Variants in ADAMTS12 observed in about 807,000 individuals in gnomAD.
ADAMTS12 encodes the protein A disintegrin and metalloproteinase with thrombospondin motifs 12.
In ADAMTS12, 118 loss-of-function variants were observed where a neutral mutation model predicts 167.8. The observed-to-expected ratio is 0.70, with a 90% CI of 0.61 to 0.82. The LOEUF is 0.82. Ranked by LOEUF, ADAMTS12 falls within the 40% of genes least tolerant of loss-of-function variation. The probability of loss-of-function intolerance (pLI) is 0.00; values close to 1 mark genes in which losing one functional copy is unlikely to be tolerated. For missense variants in ADAMTS12, 1,916 were observed against 1,998.8 expected (o/e 0.96, Z 0.79); for synonymous variants, 704 against 716.9 (o/e 0.98, Z 0.29).
chr5:33,553,782 G>A (rs1373610307), intron 20 of ADAMTS12, among the ~76,000 whole-genome samples: 1 of 152,150 alleles, frequency 6.6e-6, no homozygotes, highest in Non-Finnish European at 1.5e-5. Flanking sequence ...TAATACCTGG[G>A]TGATGAAATA....
At chr5:33,767,962 T>C (rs745330909) in intron 2 of ADAMTS12, among the ~76,000 whole-genome samples, 2 of 152,190 alleles carry the variant, frequency 1.3e-5, no homozygotes, top group African/African-American at 2.4e-5. Flanking sequence ...AACTCACTAA[T>C]AGGCAACAGT....
intron 16 of ADAMTS12, among the ~76,000 whole-genome samples, chr5:33,609,978 G>A (rs1005546224): frequency 1.3e-5 from 2 of 151,984 alleles, no homozygotes; most frequent in Admixed American, 6.6e-5. Context: ...TCAGGAGCTC[G>A]AGACCCGCCT....
intron 3 of ADAMTS12, among the ~76,000 whole-genome samples, chr5:33,743,470 C>G (rs1038515480): frequency 6.6e-6 from 1 of 152,180 alleles, no homozygotes; most frequent in African/African-American, 2.4e-5. Flanking sequence ...GCCTCATCTT[C>G]CATATCATCC....
At position 33,576,163 on chromosome 5, in the gene ADAMTS12, T is replaced by C. The variant is rs760392962; in HGVS notation, c.3863A>G (p.Glu1288Gly). 2 of 1,614,114 alleles carry C rather than the reference T, an allele frequency of 1.2e-6. No individual in the cohort carries two copies. The highest frequency in any genetic ancestry group is 1.7e-6 in the Non-Finnish European group (2 of 1,180,050). ...TKSSEPVLTEEDATSLITEGF... is the reference protein window; with the variant it reads ...TKSSEPVLTEGDATSLITEGF... ...CTCAGTAATCAGACTTGTTGCATCC[T>C]CCTCAGTCAGGACTGGTTCAGAACT... The change falls in exon 19 of 24, where the codon GAG becomes GGG. Residue 1288 changes from glutamate to glycine, a missense_variant. Physicochemically the swap from Glu to Gly is moderately conservative, Grantham distance 98 (BLOSUM62 -2). Transcript: ENST00000504830.
At chr5:33,734,245 T>A (rs1336606390) in intron 3 of ADAMTS12, among the ~76,000 whole-genome samples, 1 of 152,152 alleles carries the variant, frequency 6.6e-6, no homozygotes, top group Non-Finnish European at 1.5e-5. Flanking sequence ...ACTCTGCCTC[T>A]CAGGAGAAGT....
rs567554452 is a variant in ADAMTS12 at position 33,826,008 on chromosome 5, T to C, written c.489+55111A>G. On this transcript the variant is annotated intron_variant, in intron 2 of 23. Transcript: ENST00000504830. ...GGAACAGATCTCTACCTTGCCATAG[T>C]TGAACAGGCGGTACACATCATTTGA... 2.6e-5 allele frequency among the ~76,000 whole-genome samples: 4 copies of C among 152,316 alleles called. No homozygotes were observed. The East Asian group carries it at 5.8e-4, about 22-fold the overall frequency.
At chr5:33,839,306 G>C (rs1421498069) in intron 2 of ADAMTS12, among the ~76,000 whole-genome samples, 4 of 152,194 alleles carry the variant, frequency 2.6e-5, no homozygotes, top group African/African-American at 4.8e-5. Flanking sequence ...ATTATTAGCA[G>C]AAATCTTTTA....
chr5:33,695,254 T>A (rs186202067), intron 3 of ADAMTS12, among the ~76,000 whole-genome samples: 66 of 152,340 alleles, frequency 4.3e-4, no homozygotes, highest in African/African-American at 1.6e-3. Flanking sequence ...GGCTGTTTTA[T>A]CCTCACCCTC....
chr5:33,792,009 T>C (rs562843038), intron 2 of ADAMTS12, among the ~76,000 whole-genome samples: 143 of 149,752 alleles, frequency 9.5e-4, no homozygotes, highest in Non-Finnish European at 1.8e-3. Context: ...TTTTTTTTTT[T>C]TTTTTTGAGA....
intron 7 of ADAMTS12, among the ~76,000 whole-genome samples, chr5:33,655,615 T>TTAAG (rs35899419): frequency 6.9e-6 from 1 of 144,666 alleles, no homozygotes; most frequent in Non-Finnish European, 1.5e-5. Context: ...ACTTTTTTTT[T>TTAAG]TTTAGTTTTA....
intron 2 of ADAMTS12, among the ~76,000 whole-genome samples, chr5:33,763,126 G>A (rs1421010840): frequency 6.6e-6 from 1 of 152,202 alleles, no homozygotes; most frequent in Non-Finnish European, 1.5e-5. Context: ...TGGTGTGGTA[G>A]GCTGAATATA....
At chr5:33,628,463 C>A (rs1216446069) in intron 13 of ADAMTS12, among the ~76,000 whole-genome samples, 1 of 152,120 alleles carries the variant, frequency 6.6e-6, no homozygotes, top group African/African-American at 2.4e-5. Context: ...CCTCCCAGAA[C>A]AAATTCAGTT....
intron 3 of ADAMTS12, among the ~76,000 whole-genome samples, chr5:33,741,512 G>A (rs2081745864): frequency 6.6e-6 from 1 of 152,100 alleles, no homozygotes; most frequent in African/African-American, 2.4e-5. Context: ...AGGTCCTGGG[G>A]GTCAGGGCTT....
At chr5:33,777,490 CA>C (rs1360813053) in intron 2 of ADAMTS12, among the ~76,000 whole-genome samples, 1 of 151,982 alleles carries the variant, frequency 6.6e-6, no homozygotes, top group Non-Finnish European at 1.5e-5. Context: ...TCCTTCATGA[CA>C]AAAACTCTCA....
chr5:33,876,526 C>T (rs563159228), intron 2 of ADAMTS12, among the ~76,000 whole-genome samples: 2 of 152,120 alleles, frequency 1.3e-5, no homozygotes, highest in East Asian at 1.9e-4. Context: ...CAAAAACAGC[C>T]TTTCAACAAA....
At chr5:33,606,700 A>G (rs1738454693) in intron 16 of ADAMTS12, among the ~76,000 whole-genome samples, 1 of 152,242 alleles carries the variant, frequency 6.6e-6, no homozygotes, top group South Asian at 2.1e-4. Context: ...AACCATTGTT[A>G]TTCTTATTTT....
chr5:33,660,793 C>T (rs947356760), intron 6 of ADAMTS12, among the ~76,000 whole-genome samples: 1 of 152,158 alleles, frequency 6.6e-6, no homozygotes, highest in African/African-American at 2.4e-5. Flanking sequence ...CCTAATGTAC[C>T]TACTGTCACA....
chr5:33,567,497 G>C (rs1746071957), intron 19 of ADAMTS12, among the ~76,000 whole-genome samples: 1 of 152,186 alleles, frequency 6.6e-6, no homozygotes, highest in East Asian at 1.9e-4. Flanking sequence ...TATCTTGACA[G>C]TACTGTTTGA....
chr5:33,890,785 C>G (rs1340205580), intron 1 of ADAMTS12, among the ~76,000 whole-genome samples: 2 of 152,132 alleles, frequency 1.3e-5, no homozygotes, highest in African/African-American at 4.8e-5. Flanking sequence ...GTCAGACTAC[C>G]TGAGCTGAAA....
Sources: gnomAD v4.1 joint callset for allele counts (sites outside exome capture counted in the v4.1 genomes callset) on GRCh38, gnomAD v4.1.1 for gene constraint, MANE v1.5 for transcripts, NCBI Gene and HGNC (gene_info 2026-07-23, HGNC 2026-07-21) for gene names.